GNA14: variants seen among roughly 807,000 people sequenced by gnomAD.
The protein encoded by GNA14 is guanine nucleotide-binding protein subunit alpha-14.
A neutral mutation model predicts 42.0 loss-of-function variants in GNA14; 50 were observed. The observed-to-expected ratio is 1.19, with a 90% CI of 0.95 to 1.51. The LOEUF is 1.51. Among genes scored for constraint, GNA14 ranks in the 40% most tolerant of loss-of-function variants. The pLI, the probability that GNA14 is intolerant of heterozygous loss-of-function variation, is 0.00. For missense variants in GNA14, 473 were observed against 446.2 expected (o/e 1.06, Z -0.54); for synonymous variants, 173 against 163.1 (o/e 1.06, Z -0.46).
intron 1 of GNA14, among the ~76,000 whole-genome samples, chr9:77,621,527 T>C (rs2117974663): frequency 6.6e-6 from 1 of 152,332 alleles, no homozygotes; most frequent in Non-Finnish European, 1.5e-5. Context: ...GTGTCCACTC[T>C]TATCCTGGTT....
chr9:77,424,187 T>G lies in GNA14; in HGVS notation c.878-18A>C. On this transcript the variant is annotated intron_variant, in intron 6 of 6. Coordinates refer to ENST00000341700, the MANE Select transcript of GNA14 (RefSeq NM_004297.4). ...TTTCGGTCCTAGTCACAAGTGCAAT[T>G]ACAGGAATAAAGACACAGACTTAAC... 2.5e-6 allele frequency: 4 copies of G among 1,572,084 alleles called. No individual in the cohort carries two copies. Among genetic ancestry groups the G allele is most frequent in the Non-Finnish European group, 3.5e-6 (4 of 1,149,422 alleles).
At chr9:77,502,787 C>T (rs1476938397) in intron 2 of GNA14, among the ~76,000 whole-genome samples, 1 of 152,056 alleles carries the variant, frequency 6.6e-6, no homozygotes, top group Admixed American at 6.6e-5. Flanking sequence ...TGAGTCTTTG[C>T]TGAGTCTTTG....
chr9:77,491,521 C>T (rs565335820), intron 2 of GNA14, among the ~76,000 whole-genome samples: 6 of 152,186 alleles, frequency 3.9e-5, no homozygotes, highest in Non-Finnish European at 7.4e-5. Flanking sequence ...ATACTTGTAT[C>T]AGATAAAATA....
At chr9:77,493,189 G>A (rs535104077) in intron 2 of GNA14, among the ~76,000 whole-genome samples, 3 of 151,504 alleles carry the variant, frequency 2.0e-5, no homozygotes, top group African/African-American at 7.3e-5. Flanking sequence ...GTGAAGGACT[G>A]TAAGCCCACA....
chr9:77,432,957 G>A (rs1379767419), intron 3 of GNA14, among the ~76,000 whole-genome samples: 1 of 152,174 alleles, frequency 6.6e-6, no homozygotes, highest in Non-Finnish European at 1.5e-5. Context: ...TCTCTATGCT[G>A]ATCTAACACC....
chr9:77,592,138 G>A (rs573299435), intron 1 of GNA14, among the ~76,000 whole-genome samples: 6 of 152,078 alleles, frequency 3.9e-5, no homozygotes, highest in African/African-American at 9.6e-5. Context: ...TCCTGACCTC[G>A]TGATCCGCCC....
chr9:77,501,105 C>T (rs1233293660), intron 2 of GNA14, among the ~76,000 whole-genome samples: 1 of 152,194 alleles, frequency 6.6e-6, no homozygotes, highest in Non-Finnish European at 1.5e-5. Flanking sequence ...CAGGCATGCG[C>T]CACCACACTC....
intron 1 of GNA14, among the ~76,000 whole-genome samples, chr9:77,548,644 T>C (rs1421237014): frequency 6.6e-6 from 1 of 152,238 alleles, no homozygotes; most frequent in Non-Finnish European, 1.5e-5. Context: ...GTCTCTTCAT[T>C]GTTCTCATTT....
At chr9:77,545,698 C>T (rs1405599045) in intron 1 of GNA14, among the ~76,000 whole-genome samples, 1 of 152,178 alleles carries the variant, frequency 6.6e-6, no homozygotes, top group Non-Finnish European at 1.5e-5. Context: ...GAGTGTCCAA[C>T]TCATCCTCAC....
chr9:77,452,596 G>GGAA (rs1835926450), intron 2 of GNA14, among the ~76,000 whole-genome samples: 1 of 1,824 alleles, frequency 5.5e-4, no homozygotes, highest in Non-Finnish European at 1.7e-3. Flanking sequence ...GTGTGTGTGT[G>GGAA]GTGTGTATGT....
chr9:77,450,846 T>C (rs1456879416), intron 2 of GNA14, among the ~76,000 whole-genome samples: 1 of 152,018 alleles, frequency 6.6e-6, no homozygotes, highest in African/African-American at 2.4e-5. Context: ...TGCTGTTCTC[T>C]TGATAGTGAA....
At chr9:77,446,382 G>A (rs1835817991) in intron 2 of GNA14, among the ~76,000 whole-genome samples, 1 of 152,218 alleles carries the variant, frequency 6.6e-6, no homozygotes, top group Non-Finnish European at 1.5e-5. Flanking sequence ...GGAGCTCAAA[G>A]TATTTTCCCA....
chr9:77,520,888 T>G (rs889564946), intron 2 of GNA14, among the ~76,000 whole-genome samples: 2 of 152,186 alleles, frequency 1.3e-5, no homozygotes, highest in African/African-American at 4.8e-5. Flanking sequence ...GAAGGAATGG[T>G]CAAATCAATG....
chr9:77,453,611 A>G (rs893038125), intron 2 of GNA14, among the ~76,000 whole-genome samples: 1 of 151,554 alleles, frequency 6.6e-6, no homozygotes, highest in South Asian at 2.1e-4. Flanking sequence ...TCAGTCACTT[A>G]GAAAGATAAT....
chr9:77,536,031 AG>A (rs1232930244), intron 1 of GNA14, among the ~76,000 whole-genome samples: 1 of 151,970 alleles, frequency 6.6e-6, no homozygotes, highest in Non-Finnish European at 1.5e-5. Flanking sequence ...TACTCCTGCT[AG>A]TTTCTGTCCA....
chr9:77,471,878 T>C (rs149866423), intron 2 of GNA14, among the ~76,000 whole-genome samples: 127 of 152,268 alleles, frequency 8.3e-4, no homozygotes, highest in African/African-American at 2.8e-3. Flanking sequence ...ACCCAGAACA[T>C]TATTATGAGC....
chr9:77,427,179 G>A (rs4745632), intron 5 of GNA14, among the ~76,000 whole-genome samples: 89,172 of 152,006 alleles, frequency 0.59, 26,339 homozygotes, highest in Admixed American at 0.67. Flanking sequence ...AAGAGAAAAT[G>A]TTTAATTTCT....
At chr9:77,583,326 T>TA (rs1823255628) in intron 1 of GNA14, among the ~76,000 whole-genome samples, 1 of 152,108 alleles carries the variant, frequency 6.6e-6, no homozygotes, top group South Asian at 2.1e-4. Flanking sequence ...GAGCTTCAGC[T>TA]AAAAAGGCAG....
chr9:77,542,995 C>A (rs1564049532), intron 1 of GNA14, among the ~76,000 whole-genome samples: 1 of 152,200 alleles, frequency 6.6e-6, no homozygotes, highest in Non-Finnish European at 1.5e-5. Context: ...TTCAGGCCTG[C>A]CTCCAAAGAG....
Sources: gnomAD v4.1 joint callset for allele counts (sites outside exome capture counted in the v4.1 genomes callset) on GRCh38, gnomAD v4.1.1 for gene constraint, MANE v1.5 for transcripts, NCBI Gene and HGNC (gene_info 2026-07-23, HGNC 2026-07-21) for gene names.